The following GRID1 variants were observed in gnomAD, a reference collection of about 807,000 sequenced individuals.
GRID1 encodes the protein glutamate ionotropic receptor delta type subunit 1.
A neutral mutation model predicts 98.0 loss-of-function variants in GRID1; 28 were observed. The ratio of observed to expected loss-of-function variants is 0.29; its 90% CI spans 0.21 to 0.39. The LOEUF (loss-of-function observed/expected upper bound fraction) is 0.39, where lower values mean the gene tolerates loss of function less well. GRID1 is among the 10% of genes least tolerant of loss of function. The pLI is 1.00. For missense variants in GRID1, 1,111 were observed against 1,340.5 expected, an observed-to-expected ratio of 0.83 and a Z score of 2.67; for synonymous variants, 553 against 538.5, an observed-to-expected ratio of 1.03 and a Z score of -0.37.
intron 4 of GRID1, among the ~76,000 whole-genome samples, chr10:85,945,519 G>T (rs1374899118): frequency 6.6e-6 from 1 of 152,116 alleles, no homozygotes; most frequent in African/African-American, 2.4e-5. Flanking sequence ...TTGGGGTATT[G>T]CTTCCTCAAT....
intron 4 of GRID1, among the ~76,000 whole-genome samples, chr10:85,984,722 G>A (rs1329189933): frequency 2.0e-5 from 3 of 152,118 alleles, no homozygotes; most frequent in African/African-American, 7.2e-5. Context: ...GGAAGGGAGT[G>A]TCCTTCACAA....
intron 2 of GRID1, among the ~76,000 whole-genome samples, chr10:86,214,058 C>G (rs548271642): frequency 1.3e-5 from 2 of 152,326 alleles, no homozygotes; most frequent in Admixed American, 1.3e-4. Flanking sequence ...CCAACCTCCC[C>G]ACTTGTCCCA....
intron 3 of GRID1, among the ~76,000 whole-genome samples, chr10:86,142,082 G>A (rs570425139): frequency 6.6e-6 from 1 of 152,356 alleles, no homozygotes; most frequent in Non-Finnish European, 1.5e-5. Flanking sequence ...CCACCACCAT[G>A]AGAACATCTC....
At chr10:85,858,294 G>C (rs1030924620) in intron 6 of GRID1, among the ~76,000 whole-genome samples, 1 of 152,176 alleles carries the variant, frequency 6.6e-6, no homozygotes, top group Non-Finnish European at 1.5e-5. Context: ...CTGAGGGGGA[G>C]TAGAAGGTCA....
chr10:86,038,988 C>T (rs1843309162), intron 4 of GRID1, among the ~76,000 whole-genome samples: 1 of 152,176 alleles, frequency 6.6e-6, no homozygotes, highest in African/African-American at 2.4e-5. Flanking sequence ...ATTTCGCTTT[C>T]CAAGCAGGTC....
At chr10:85,818,935 G>A (rs932688868) in intron 8 of GRID1, among the ~76,000 whole-genome samples, 1 of 152,016 alleles carries the variant, frequency 6.6e-6, no homozygotes, top group African/African-American at 2.4e-5. Context: ...TGACCAGGCT[G>A]GTCTCAAACT....
intron 6 of GRID1, among the ~76,000 whole-genome samples, chr10:85,864,857 C>T (rs1843200053): frequency 6.6e-6 from 1 of 152,124 alleles, no homozygotes; most frequent in African/African-American, 2.4e-5. Flanking sequence ...CATTAGCCCC[C>T]AAAGCTTAAT....
chr10:85,656,062 A>G (rs1840891852), intron 12 of GRID1, among the ~76,000 whole-genome samples: 1 of 151,278 alleles, frequency 6.6e-6, no homozygotes, highest in African/African-American at 2.4e-5. Context: ...AGAGTTATCT[A>G]TGATTACTGC....
chr10:85,828,832 A>G (rs1235543982), intron 8 of GRID1, among the ~76,000 whole-genome samples: 1 of 152,162 alleles, frequency 6.6e-6, no homozygotes, highest in Non-Finnish European at 1.5e-5. Flanking sequence ...TACCAACCAG[A>G]AAAAGCCCAG....
intron 8 of GRID1, among the ~76,000 whole-genome samples, chr10:85,784,531 A>G (rs945930334): frequency 1.3e-5 from 2 of 152,210 alleles, no homozygotes; most frequent in Non-Finnish European, 1.5e-5. Context: ...ATGGCCGTGC[A>G]TCTCCCTTTC....
At chr10:85,653,054 T>C (rs1189052341) in intron 12 of GRID1, among the ~76,000 whole-genome samples, 1 of 152,236 alleles carries the variant, frequency 6.6e-6, no homozygotes, top group African/African-American at 2.4e-5. Flanking sequence ...CTATGTGGTC[T>C]CTGAGGGCCA....
chr10:85,726,139 T>G (rs1841757797), intron 10 of GRID1, among the ~76,000 whole-genome samples: 1 of 152,256 alleles, frequency 6.6e-6, no homozygotes, highest in Non-Finnish European at 1.5e-5. Context: ...CTGTGGGAGA[T>G]GGCAGGTGCC....
intron 13 of GRID1, among the ~76,000 whole-genome samples, chr10:85,641,796 C>T (rs1045212738): frequency 4.6e-5 from 7 of 152,132 alleles, no homozygotes; most frequent in African/African-American, 1.4e-4. Flanking sequence ...TGGGTCTCAG[C>T]GCAGTGAGGG....
At chr10:85,803,434 T>C (rs547135614) in intron 8 of GRID1, among the ~76,000 whole-genome samples, 4 of 152,222 alleles carry the variant, frequency 2.6e-5, no homozygotes, top group South Asian at 4.1e-4. Context: ...CTGACATTTA[T>C]GGAACACCAC....
intron 4 of GRID1, among the ~76,000 whole-genome samples, chr10:85,996,542 AC>A (rs1346531359): frequency 2.6e-5 from 4 of 152,230 alleles, no homozygotes. Context: ...TTCAGTCAGA[AC>A]AAGAGAAATA....
At chr10:86,342,924 T>C (rs1354212454) in intron 2 of GRID1, among the ~76,000 whole-genome samples, 2 of 152,262 alleles carry the variant, frequency 1.3e-5, no homozygotes, top group Non-Finnish European at 2.9e-5. Context: ...CGTTCCTTGG[T>C]GTATATGCCC....
At chr10:85,942,070 G>A (rs557285144) in intron 4 of GRID1, among the ~76,000 whole-genome samples, 36 of 152,240 alleles carry the variant, frequency 2.4e-4, no homozygotes, top group African/African-American at 8.2e-4. Flanking sequence ...CCCAACTAAT[G>A]GACTCTTAGA....
At chr10:85,666,627 T>C (rs1267149296) in intron 12 of GRID1, among the ~76,000 whole-genome samples, 3 of 152,208 alleles carry the variant, frequency 2.0e-5, no homozygotes, top group African/African-American at 7.2e-5. Context: ...CTGTAGTCAA[T>C]AAACCAGTTT....
chr10:85,976,976 C>A (rs1842480935), intron 4 of GRID1, among the ~76,000 whole-genome samples: 1 of 152,224 alleles, frequency 6.6e-6, no homozygotes, highest in Admixed American at 6.5e-5. Flanking sequence ...TTAGGAAGGA[C>A]TAAGCACTGG....
Sources: gnomAD v4.1 joint callset for allele counts (sites outside exome capture counted in the v4.1 genomes callset) on GRCh38, gnomAD v4.1.1 for gene constraint, MANE v1.5 for transcripts, NCBI Gene and HGNC (gene_info 2026-07-23, HGNC 2026-07-21) for gene names.